The following LRRC7 variants were observed in gnomAD, a reference collection of about 807,000 sequenced individuals.
LRRC7 encodes the protein leucine rich repeat containing 7.
Under a neutral mutation model 175.7 loss-of-function variants are expected in LRRC7, and 23 were observed. That is an observed-to-expected ratio of 0.13 (90% CI 0.09 to 0.19). The LOEUF (loss-of-function observed/expected upper bound fraction) is 0.19. Ranked by LOEUF, LRRC7 falls within the 10% of genes least tolerant of loss-of-function variation. LRRC7 has a pLI of 1.00. For missense variants in LRRC7, 1,354 were observed against 1,904.7 expected (o/e 0.71, Z 5.38); for synonymous variants, 685 against 680.9 (o/e 1.01, Z -0.09).
intron 1 of LRRC7, among the ~76,000 whole-genome samples, chr1:69,595,369 G>A (rs1045443053): frequency 6.6e-6 from 1 of 152,134 alleles, no homozygotes; most frequent in Non-Finnish European, 1.5e-5. Context: ...GCAGTGAGCC[G>A]AGATCGTGCC....
At chr1:69,823,694 T>G (rs1288235380) in intron 4 of LRRC7, among the ~76,000 whole-genome samples, 1 of 152,160 alleles carries the variant, frequency 6.6e-6, no homozygotes, top group African/African-American at 2.4e-5. Context: ...GCCAGATAAT[T>G]TTGATATGTT....
intron 8 of LRRC7, among the ~76,000 whole-genome samples, chr1:69,938,659 A>G (rs2101791495): frequency 6.6e-6 from 1 of 152,046 alleles, no homozygotes. Flanking sequence ...AATTAAACTC[A>G]TTTTACTAAA....
At chr1:69,909,532 C>A (rs1043732291) in intron 7 of LRRC7, among the ~76,000 whole-genome samples, 5 of 152,016 alleles carry the variant, frequency 3.3e-5, no homozygotes, top group South Asian at 2.1e-4. Context: ...ACTTATGAAG[C>A]TTAGTTTGGC....
At chr1:69,755,344 A>G (rs201628470) in intron 2 of LRRC7, among the ~76,000 whole-genome samples, 1 of 150,296 alleles carries the variant, frequency 6.7e-6, no homozygotes, top group East Asian at 1.9e-4. Context: ...ATATATATAC[A>G]CACACATATA....
At chr1:69,805,817 T>C (rs901961924) in intron 4 of LRRC7, among the ~76,000 whole-genome samples, 16 of 151,900 alleles carry the variant, frequency 1.1e-4, no homozygotes, top group African/African-American at 3.6e-4. Flanking sequence ...AAACAAATAA[T>C]GCCTTATGTG....
At chr1:69,943,289 G>T (rs1191950906) in intron 8 of LRRC7, among the ~76,000 whole-genome samples, 2 of 151,994 alleles carry the variant, frequency 1.3e-5, no homozygotes, top group Non-Finnish European at 2.9e-5. Context: ...ATGATTAAAG[G>T]TCCGATATGT....
At position 70,121,803 on chromosome 1, in the gene LRRC7, T is replaced by C. The variant is rs756399078; in HGVS notation, c.4644T>C (p.His1548=). The C allele has an allele frequency of 2.5e-5, 40 of 1,611,728 alleles. No individual in the cohort carries two copies. The Middle Eastern group carries it at 6.6e-4, about 27-fold the overall frequency. Reference sequence around the variant, plus strand: ...AGGCAAATGGACACAGTTTTGTACATATGGAACATGAAAAAGCTGTATTAC... The same window carrying C: ...AGGCAAATGGACACAGTTTTGTACACATGGAACATGAAAAAGCTGTATTAC... ...ILQANGHSFV[H]MEHEKAVLLL... is the part of the protein sequence containing the mutation. Residue 1548 remains histidine (H), a synonymous_variant, in exon 27 of 27, where the codon CAT becomes CAC. Transcript: ENST00000651989.
intron 8 of LRRC7, among the ~76,000 whole-genome samples, chr1:69,969,834 T>C (rs2101864467): frequency 6.6e-6 from 1 of 152,270 alleles, no homozygotes; most frequent in South Asian, 2.1e-4. Context: ...GTACATTCTA[T>C]TCAACAGCGC....
chr1:69,934,594 TAAA>T (rs2101780601), intron 8 of LRRC7, among the ~76,000 whole-genome samples: 1 of 151,818 alleles, frequency 6.6e-6, no homozygotes, highest in Admixed American at 6.6e-5. Flanking sequence ...AATAGAAAGT[TAAA>T]AAGTGAAAAA....
At chr1:69,896,377 A>G (rs1180540129) in intron 7 of LRRC7, among the ~76,000 whole-genome samples, 1 of 152,200 alleles carries the variant, frequency 6.6e-6, no homozygotes, top group East Asian at 1.9e-4. Context: ...CTCCTGATCT[A>G]TCAAACACTA....
intron 1 of LRRC7, among the ~76,000 whole-genome samples, chr1:69,625,378 C>T (rs1394587146): frequency 1.3e-5 from 2 of 148,694 alleles, no homozygotes; most frequent in Non-Finnish European, 3.0e-5. Flanking sequence ...CTGAATCAGT[C>T]TTAGGATCTT....
At chr1:69,698,589 C>T (rs1449251871) in intron 2 of LRRC7, among the ~76,000 whole-genome samples, 3 of 152,178 alleles carry the variant, frequency 2.0e-5, no homozygotes, top group Non-Finnish European at 4.4e-5. Flanking sequence ...AGTACCCTTC[C>T]TCACCCCTGC....
chr1:70,035,809 C>G (rs1659254668), intron 18 of LRRC7, among the ~76,000 whole-genome samples: 1 of 152,032 alleles, frequency 6.6e-6, no homozygotes, highest in Admixed American at 6.6e-5. Flanking sequence ...ATCTCTCCAA[C>G]TAGATTATAA....
rs1188255914 is a variant in LRRC7 at position 69,926,106 on chromosome 1, C to T, written c.648-5401C>T. On this transcript the variant is annotated intron_variant, in intron 7 of 26. Transcript: ENST00000651989. ...GTTGTTCAGTTTCCATGTAGTTGAG[C>T]GGTTTTGAGTGAGTTTGTTAGTCCT... Among the ~76,000 whole-genome samples, 7 of 151,456 alleles carry T rather than the reference C, an allele frequency of 4.6e-5. No individual in the cohort carries two copies. The South Asian group carries it at 6.3e-4, about 14-fold the overall frequency.
chr1:69,651,580 A>G (rs1479973365), intron 1 of LRRC7, among the ~76,000 whole-genome samples: 3 of 152,260 alleles, frequency 2.0e-5, no homozygotes, highest in Non-Finnish European at 4.4e-5. Flanking sequence ...AATATTGATT[A>G]AGCAATAATA....
intron 2 of LRRC7, among the ~76,000 whole-genome samples, chr1:69,697,187 T>A (rs954589008): frequency 4.6e-5 from 7 of 152,222 alleles, no homozygotes; most frequent in Admixed American, 2.6e-4. Flanking sequence ...TCTATTTTTT[T>A]ATTTTTTTCC....
chr1:69,943,028 G>A (rs575951880), intron 8 of LRRC7, among the ~76,000 whole-genome samples: 23 of 152,128 alleles, frequency 1.5e-4, no homozygotes, highest in African/African-American at 3.1e-4. Flanking sequence ...ATTTTTATAT[G>A]TGGCCCAAGA....
At chr1:69,842,896 C>T (rs1681889376) in intron 7 of LRRC7, among the ~76,000 whole-genome samples, 1 of 151,858 alleles carries the variant, frequency 6.6e-6, no homozygotes, top group South Asian at 2.1e-4. Flanking sequence ...TAAAATAAGC[C>T]ACATCAAAAT....
At chr1:69,856,623 A>C (rs1463453366) in intron 7 of LRRC7, among the ~76,000 whole-genome samples, 1 of 152,202 alleles carries the variant, frequency 6.6e-6, no homozygotes, top group Non-Finnish European at 1.5e-5. Context: ...AATAATTAAT[A>C]GCCTACTAAC....
Sources: allele counts gnomAD v4.1 joint callset (sites outside exome capture counted in the v4.1 genomes callset), GRCh38; gene constraint gnomAD v4.1.1; transcripts MANE v1.5; gene names NCBI Gene and HGNC (gene_info 2026-07-23, HGNC 2026-07-21).